Variants in PCDHAC1 observed in about 807,000 individuals in gnomAD.
PCDHAC1 encodes protocadherin alpha-C1.
PCDHAC1 carries 42 observed loss-of-function variants against 60.0 expected under a neutral mutation model. The ratio of observed to expected loss-of-function variants is 0.70; its 90% CI spans 0.55 to 0.90. The LOEUF (loss-of-function observed/expected upper bound fraction) is 0.90. PCDHAC1 is among the 40% of genes least tolerant of loss of function. PCDHAC1 has a pLI of 0.00. For missense variants in PCDHAC1, 1,160 were observed against 1,222.3 expected, an observed-to-expected ratio of 0.95 and a Z score of 0.76; for synonymous variants, 468 against 499.3, an observed-to-expected ratio of 0.94 and a Z score of 0.84.
intron 1 of PCDHAC1, among the ~76,000 whole-genome samples, chr5:140,956,813 T>C (rs1306502330): frequency 6.6e-6 from 1 of 152,176 alleles, no homozygotes; most frequent in African/African-American, 2.4e-5. Context: ...TATTATTGCT[T>C]CAATTTGTAA....
chr5:140,998,646 C>G (rs1413467899), intron 3 of PCDHAC1, among the ~76,000 whole-genome samples: 1 of 151,870 alleles, frequency 6.6e-6, no homozygotes, highest in Non-Finnish European at 1.5e-5. Flanking sequence ...CTCACTGCAA[C>G]CTCTGCCTCC....
At chr5:140,967,171 G>A (rs181864889) in intron 1 of PCDHAC1, 2 of 1,611,944 alleles carry the variant, frequency 1.2e-6, no homozygotes, top group Non-Finnish European at 8.5e-7. Flanking sequence ...GCGCCGTTGA[G>A]GTGGAAATAT....
chr5:140,967,310 G>A (rs2096126313), intron 1 of PCDHAC1: 1 of 1,611,338 alleles, frequency 6.2e-7, no homozygotes, highest in East Asian at 2.2e-5. Context: ...CGCCAACTCA[G>A]TACAGACCTA....
intron 3 of PCDHAC1, among the ~76,000 whole-genome samples, chr5:141,000,385 C>A (rs868983393): frequency 3.1e-5 from 2 of 64,984 alleles, no homozygotes; most frequent in South Asian, 5.2e-4. Flanking sequence ...CTCTCTCTCT[C>A]TCTCTCTCTC....
intron 1 of PCDHAC1, chr5:140,929,903 C>T (rs11747154): frequency 0.12 from 17,815 of 152,352 alleles, 1,161 homozygotes; most frequent in Middle Eastern, 0.19. Context: ...ATCTTTAATA[C>T]GATATACCAT....
At chr5:140,985,999 A>G (rs932659753) in intron 3 of PCDHAC1, among the ~76,000 whole-genome samples, 10 of 152,104 alleles carry the variant, frequency 6.6e-5, no homozygotes, top group Non-Finnish European at 1.5e-4. Flanking sequence ...TCAGCCTCCC[A>G]AAGTGCTGGG....
At position 140,967,262 on chromosome 5, in the gene PCDHAC1, C is replaced by T; in HGVS notation, c.2434-11687C>T. ...AAGCGAATCGGTGGCGCCTGGAGCG[C>T]GCTTTCACATAGAGAGTGCGCAGGA... On this transcript the variant is annotated intron_variant, in intron 1 of 3. Transcript: ENST00000253807. The T allele has an allele frequency of 1.9e-6, 3 of 1,613,522 alleles. No homozygotes were observed. In the South Asian group the frequency reaches 3.3e-5, roughly 18 times the overall value.
intron 1 of PCDHAC1, among the ~76,000 whole-genome samples, chr5:140,933,053 G>C (rs2088831256): frequency 6.6e-6 from 1 of 151,948 alleles, no homozygotes; most frequent in Non-Finnish European, 1.5e-5. Flanking sequence ...TTACAGTCCA[G>C]GATCCTGACT....
chr5:141,005,701 CAAAAAAAAAAA>C (rs59860837), intron 3 of PCDHAC1, among the ~76,000 whole-genome samples: 24 of 7,788 alleles, frequency 3.1e-3, no homozygotes, highest in African/African-American at 7.5e-3. Flanking sequence ...AACTCCGTCT[CAAAAAAAAAAA>C]AAAAAAAAAA....
At position 140,927,285 on chromosome 5, in the gene PCDHAC1, G is replaced by T; in HGVS notation, c.393G>T (p.Leu131=). The T allele has an allele frequency of 1.9e-6, 3 of 1,614,154 alleles. No individual in the cohort carries two copies. The highest frequency in any genetic ancestry group is 2.5e-6 in the Non-Finnish European group (3 of 1,180,036). ...SPLFPAGDVQ[L]HIPEFLTPGA... ...TCTTTCCTGCCGGCGACGTGCAGCTGCACATCCCCGAGTTCCTGACGCCCG... is the reference window on the plus strand; with the variant it reads ...TCTTTCCTGCCGGCGACGTGCAGCTTCACATCCCCGAGTTCCTGACGCCCG... The change falls in exon 1 of 4, where the codon CTG becomes CTT. Residue 131 remains leucine (L), a synonymous_variant. Transcript: ENST00000253807.
intron 1 of PCDHAC1, chr5:140,969,215 C>A (rs782320507): frequency 6.2e-7 from 1 of 1,614,010 alleles, no homozygotes; most frequent in Admixed American, 1.7e-5. Context: ...CCAGACAGGA[C>A]CAGGGCCTTC....
At chr5:140,932,375 G>A (rs192897336) in intron 1 of PCDHAC1, among the ~76,000 whole-genome samples, 31 of 151,942 alleles carry the variant, frequency 2.0e-4, no homozygotes, top group Non-Finnish European at 3.0e-5. Context: ...ATTTCCACAT[G>A]AAAGTTATAC....
intron 3 of PCDHAC1, among the ~76,000 whole-genome samples, chr5:140,985,672 G>A (rs1195009915): frequency 6.6e-6 from 1 of 151,738 alleles, no homozygotes. Flanking sequence ...AGGAAGTGGG[G>A]CCTGCCTTAC....
rs371830340 is a variant in PCDHAC1 at position 140,947,864 on chromosome 5, C to G, written c.2433+18539C>G. Reference sequence around the variant, plus strand: ...TTTATTTATTTTGTCATTATAATGGCTAGGACTTCCAGGACAATATAAACA... The same window carrying G: ...TTTATTTATTTTGTCATTATAATGGGTAGGACTTCCAGGACAATATAAACA... On this transcript the variant is annotated intron_variant, in intron 1 of 3. Coordinates refer to ENST00000253807, the MANE Select transcript of PCDHAC1 (RefSeq NM_018898.5). Among the ~76,000 whole-genome samples the G allele has an allele frequency of 1.4e-4, 21 of 151,554 alleles. No homozygotes were observed. The East Asian group carries it at 2.3e-3, about 17-fold the overall frequency.
Position 140,928,461 on chromosome 5 carries a change from C to T in PCDHAC1, c.1569C>T (p.Phe523=). The T allele has an allele frequency of 1.2e-6, 2 of 1,614,108 alleles. No individual in the cohort carries two copies. The highest frequency in any genetic ancestry group is 1.7e-6 in the Non-Finnish European group (2 of 1,180,000). ...TTGAGCAGCTCAGGGGGTTTCATTT[C>T]CAAGTAGAAGGCCGGGATGGTGGCA... ...FDFEQLRGFH[F]QVEGRDGGIP... The change falls in exon 1 of 4, where the codon TTC becomes TTT. Residue 523 remains phenylalanine, a synonymous_variant. Transcript: ENST00000253807.
At chr5:140,977,373 A>G (rs1167438428) in intron 1 of PCDHAC1, among the ~76,000 whole-genome samples, 1 of 152,168 alleles carries the variant, frequency 6.6e-6, no homozygotes, top group Non-Finnish European at 1.5e-5. Flanking sequence ...TATTTTAGTC[A>G]TATTTCCAGG....
In PCDHAC1 at chr5:140,927,051, G is replaced by T; in HGVS notation, c.159G>T (p.Arg53=). 1 of 1,612,116 alleles carries T rather than the reference G, an allele frequency of 6.2e-7. No individual in the cohort carries two copies. The highest frequency in any genetic ancestry group is 1.1e-5 in the South Asian group (1 of 90,928). Residue 53 remains arginine, a synonymous_variant, in exon 1 of 4, where the codon CGG becomes CGT. Coordinates refer to ENST00000253807, the MANE Select transcript of PCDHAC1 (RefSeq NM_018898.5). ...LRLPAAAMSS[R]NFRFLSSHRE... is the part of the protein sequence containing the mutation. ...TGCCAGCGGCCGCTATGTCCTCGCG[G>T]AACTTTCGCTTCCTTTCCAGCCACC...
At chr5:140,984,790 G>A (rs2097121430) in intron 3 of PCDHAC1, among the ~76,000 whole-genome samples, 1 of 152,104 alleles carries the variant, frequency 6.6e-6, no homozygotes, top group Admixed American at 6.5e-5. Flanking sequence ...GGTGAGCATA[G>A]ACAAACTGCC....
chr5:140,927,901 G>A lies in PCDHAC1; in HGVS notation c.1009G>A (p.Ala337Thr), dbSNP rs370478984. The change falls in exon 1 of 4, where the codon GCC becomes ACC. Residue 337 changes from alanine (A) to threonine (T), a missense_variant. Physicochemically the swap from Ala to Thr is moderately conservative, Grantham distance 58 (BLOSUM62 0). Transcript: ENST00000253807. ...GGAGGTGACTGACGTGAACGATCAT[G>A]CCCCCGAACTGGACTTCCTGACTCT... The part of the protein sequence containing the change: ...LVEVTDVNDH[A>T]PELDFLTLSN... The A allele has an allele frequency of 6.2e-6, 10 of 1,614,084 alleles. No individual in the cohort carries two copies. Among genetic ancestry groups the A allele is most frequent in the Non-Finnish European group, 8.5e-6 (10 of 1,180,046 alleles).
Sources: allele counts gnomAD v4.1 joint callset (sites outside exome capture counted in the v4.1 genomes callset), GRCh38; gene constraint gnomAD v4.1.1; transcripts MANE v1.5; gene names NCBI Gene and HGNC (gene_info 2026-07-23, HGNC 2026-07-21).